Variants in TROAP observed in about 807,000 individuals in gnomAD.
The protein encoded by TROAP is trophinin associated protein.
In TROAP, 62 loss-of-function variants were observed where a neutral mutation model predicts 83.4. The observed-to-expected ratio is 0.74, with a 90% CI of 0.61 to 0.92. TROAP has a LOEUF of 0.92. TROAP is among the 40% of genes least tolerant of loss of function. The pLI, the probability that TROAP is intolerant of heterozygous loss-of-function variation, is 0.00. For synonymous variants in TROAP, 352 were observed against 386.4 expected (o/e 0.91, Z 1.04); for missense variants, 876 against 985.1 (o/e 0.89, Z 1.48).
At position 49,329,542 on chromosome 12, in the gene TROAP, T is replaced by C. The variant is rs756635202; in HGVS notation, c.1164+88T>C. ...AGGAGTTTGAGGCACACGTGCTTTC[T>C]GGGCCAGGCATGGTGGCTCACACCT... On this transcript the variant is annotated intron_variant, in intron 11 of 14. Coordinates refer to ENST00000257909, the MANE Select transcript of TROAP (RefSeq NM_005480.4). The surrounding 1 kb of genome is among the most constrained non-coding windows in gnomAD (Gnocchi z 4.5). 6.9e-7 allele frequency: 1 copy of C among 1,453,594 alleles called. No homozygotes were observed. Among genetic ancestry groups the C allele is most frequent in the Admixed American group, 2.1e-5 (1 of 46,982 alleles). 90.0% of individuals were successfully genotyped at this position (1,453,594 alleles called of 1,614,324 possible).
At chr12:49,326,006 TTGG>T in intron 5 of TROAP, 67 bp from the exon 6 acceptor site, 1 of 1,605,032 alleles carries the variant, frequency 6.2e-7, no homozygotes, top group Non-Finnish European at 8.5e-7. Context: ...GGAGATGGGG[TTGG>T]TGGTGAGGCC....
rs866598772 is a variant in TROAP, at chr12:49,325,361, T to C, written c.338-140T>C. ...ATGAGCCACTGCACCCAGCCATCTATTTCTTAAAAAAAAAAAAAAAAATAA... is the reference window on the plus strand; with the variant it reads ...ATGAGCCACTGCACCCAGCCATCTACTTCTTAAAAAAAAAAAAAAAAATAA... On this transcript the variant is annotated intron_variant, in intron 3 of 14. Transcript: ENST00000257909. The C allele has an allele frequency of 7.5e-5, 67 of 889,568 alleles. 1 individual carries two copies. In the Middle Eastern group the frequency reaches 2.5e-3, roughly 33 times the overall value. 55.1% of individuals were successfully genotyped at this position (889,568 alleles called of 1,614,324 possible).
chr12:49,327,662 T>C (rs539894970), intron 8 of TROAP, among the ~76,000 whole-genome samples: 32 of 152,290 alleles, frequency 2.1e-4, no homozygotes, highest in South Asian at 1.5e-3. Flanking sequence ...GCCTACTGAG[T>C]GCCAGGCTCT....
chr12:49,327,195 C>A lies in TROAP; in HGVS notation c.770-14C>A. The A allele has an allele frequency of 6.2e-7, 1 of 1,613,808 alleles. No homozygotes were observed. The highest frequency in any genetic ancestry group is 8.5e-7 in the Non-Finnish European group (1 of 1,179,814). ...TGTTCTAGAGTCTACAACAAATGTC[C>A]TGTTTCTTCCTAGCTTTCTCTCTTC... On this transcript the variant is annotated splice_polypyrimidine_tract_variant and intron_variant, in intron 7 of 14. Transcript: ENST00000257909.
At position 49,324,297 on chromosome 12, in the gene TROAP, A is replaced by G; in HGVS notation, c.337+260A>G. On this transcript the variant is annotated intron_variant, in intron 3 of 14. Coordinates refer to ENST00000257909, the MANE Select transcript of TROAP (RefSeq NM_005480.4). ...TGAAGCAGGAGGATCACTGGAGGCCAGGAGTTGGAGACCAGCCTGGATGAC... is the reference window on the plus strand; with the variant it reads ...TGAAGCAGGAGGATCACTGGAGGCCGGGAGTTGGAGACCAGCCTGGATGAC... 1.7e-6 allele frequency: 2 copies of G among 1,211,374 alleles called. 1 individual carries two copies. The highest frequency in any genetic ancestry group is 4.2e-4 in the Middle Eastern group (2 of 4,768). The allele number at this position is 1,211,374 out of a possible 1,614,324, so 75.0% of individuals were successfully genotyped here.
Position 49,323,861 on chromosome 12 carries a change from C to T in TROAP, c.161C>T (p.Pro54Leu). 6.2e-7 allele frequency: 1 copy of T among 1,614,026 alleles called. No individual in the cohort carries two copies. Among genetic ancestry groups the T allele is most frequent in the Admixed American group, 1.7e-5 (1 of 60,020 alleles). The change falls in exon 3 of 15, where the codon CCA (proline) becomes CTA (leucine). Residue 54 changes from proline (P) to leucine (L), a missense_variant. Coordinates refer to ENST00000257909, the MANE Select transcript of TROAP (RefSeq NM_005480.4). ...NQDPRRWVQKPPLNIQRPLVD... is the reference protein window; with the variant it reads ...NQDPRRWVQKLPLNIQRPLVD... Reference sequence around the variant, plus strand: ...CTCCCCTAGAGATGGGTGCAGAAACCACCGCTCAATATTCAACGCCCCCTC... The same window carrying T: ...CTCCCCTAGAGATGGGTGCAGAAACTACCGCTCAATATTCAACGCCCCCTC...
chr12:49,331,674 G>A lies in TROAP; in HGVS notation c.*57G>A. The A allele has an allele frequency of 2.5e-6, 4 of 1,610,386 alleles. No individual in the cohort carries two copies. The highest frequency in any genetic ancestry group is 1.1e-5 in the South Asian group (1 of 91,008). ...TTCCTTTTAGCCCTTATTTATTGTC[G>A]GTCTGCCCATGGGACTGGGAGCCGC... On this transcript the variant is annotated 3_prime_UTR_variant, in exon 15 of 15. Transcript: ENST00000257909.
In TROAP at chr12:49,328,795, C is replaced by G. The variant is rs961811846; in HGVS notation, c.892-132C>G. The G allele has an allele frequency of 3.2e-6, 4 of 1,263,206 alleles. No homozygotes were observed. In the South Asian group the frequency reaches 7.3e-5, roughly 23 times the overall value. 78.2% of individuals were successfully genotyped at this position (1,263,206 alleles called of 1,614,324 possible). The stretch of plus-strand genomic sequence containing the variant: ...AGGAGAATGGTGTGAACCCGGGATG[C>G]GGAGCTTGCAGTGAGCCAAGATCGC... On this transcript the variant is annotated intron_variant, in intron 8 of 14. Transcript: ENST00000257909.
intron 6 of TROAP, among the ~76,000 whole-genome samples, chr12:49,326,458 G>T (rs1476966320): frequency 6.6e-6 from 1 of 152,082 alleles, no homozygotes; most frequent in Non-Finnish European, 1.5e-5. Flanking sequence ...GTGGGATTTG[G>T]GTTTATATCC....
chr12:49,330,785 G>A lies in TROAP; in HGVS notation c.1940G>A (p.Cys647Tyr). Reference sequence around the variant, plus strand: ...GTAGAGCTGGGGGCATCAGAGCCCTGCACCCTGGAACATAGAAGTCTAGAG... The same window carrying A: ...GTAGAGCTGGGGGCATCAGAGCCCTACACCCTGGAACATAGAAGTCTAGAG... ...PRVELGASEP[C>Y]TLEHRSLESS... Residue 647 changes from cysteine to tyrosine, a missense_variant, in exon 13 of 15, where the codon TGC becomes TAC. Cys to Tyr is a radical substitution (Grantham distance 194). Transcript: ENST00000257909. The A allele has an allele frequency of 1.2e-6, 2 of 1,614,006 alleles. No homozygotes were observed. The highest frequency in any genetic ancestry group is 1.7e-6 in the Non-Finnish European group (2 of 1,179,986).
At chr12:49,328,205 G>A (rs1400417245) in intron 8 of TROAP, among the ~76,000 whole-genome samples, 2 of 137,932 alleles carry the variant, frequency 1.4e-5, no homozygotes, top group Non-Finnish European at 3.1e-5. Context: ...GACATGATTT[G>A]ACTTAGGTCT....
Position 49,325,384 on chromosome 12 carries a change from T to A in TROAP, c.338-117T>A, listed in dbSNP as rs907426810. Reference sequence around the variant, plus strand: ...TATTTCTTAAAAAAAAAAAAAAAAATAAGCCAAATTCAATTGAATGAGTCT... The same window carrying A: ...TATTTCTTAAAAAAAAAAAAAAAAAAAAGCCAAATTCAATTGAATGAGTCT... On this transcript the variant is annotated intron_variant, in intron 3 of 14. Coordinates refer to ENST00000257909, the MANE Select transcript of TROAP (RefSeq NM_005480.4). 2,473 of 875,080 alleles carry A rather than the reference T, an allele frequency of 2.8e-3. 4 individuals are homozygous for A. The highest frequency in any genetic ancestry group is 3.3e-3 in the Non-Finnish European group (2,052 of 623,424). 54.2% of individuals were successfully genotyped at this position (875,080 alleles called of 1,614,324 possible).
intron 5 of TROAP, 60 bp downstream of exon 5, chr12:49,325,944 C>T: frequency 6.2e-7 from 1 of 1,603,886 alleles, no homozygotes; most frequent in Non-Finnish European, 8.5e-7. Flanking sequence ...AGGGACAAAG[C>T]TGGGCTCTGG....
rs770787242 is a variant in TROAP, at chr12:49,325,599, A to C, written c.436A>C (p.Ser146Arg). ...VKSCHLGRQP[S>R]LAKRVLVRGS... ...GAGCTGTCACCTGGGGCGCCAGCCTAGTCTGGCTAAAAGAGTACTGGTTCG... is the reference window on the plus strand; with the variant it reads ...GAGCTGTCACCTGGGGCGCCAGCCTCGTCTGGCTAAAAGAGTACTGGTTCG... Residue 146 changes from serine (S) to arginine (R), a missense_variant, in exon 4 of 15, where the codon AGT becomes CGT. Around this residue, in one of 3 missense-constraint regions of TROAP, gnomAD observed 689 missense variants for 722.6 expected, o/e 0.95. Transcript: ENST00000257909. 1 of 1,613,964 alleles carries C rather than the reference A, an allele frequency of 6.2e-7. No individual in the cohort carries two copies. Among genetic ancestry groups the C allele is most frequent in the Non-Finnish European group, 8.5e-7 (1 of 1,180,022 alleles).
chr12:49,327,889 G>A (rs1332360504), intron 8 of TROAP, among the ~76,000 whole-genome samples: 1 of 152,144 alleles, frequency 6.6e-6, no homozygotes, highest in African/African-American at 2.4e-5. Context: ...TTACTGAGAA[G>A]ATGATGTTTA....
chr12:49,328,893 G>A (rs199801433), intron 8 of TROAP, 34 bp from the exon 9 acceptor site: 15 of 1,512,514 alleles, frequency 9.9e-6, no homozygotes, highest in South Asian at 9.3e-5. Flanking sequence ...CAAAGGGGGC[G>A]GGGATCACTC....
In TROAP at chr12:49,329,558, G is replaced by A; in HGVS notation, c.1164+104G>A. 2 of 1,334,864 alleles carry A rather than the reference G, an allele frequency of 1.5e-6. No individual in the cohort carries two copies. Among genetic ancestry groups the A allele is most frequent in the Non-Finnish European group, 2.1e-6 (2 of 967,698 alleles). The allele number at this position is 1,334,864 out of a possible 1,614,324, so 82.7% of individuals were successfully genotyped here. A position where few individuals can be genotyped will look rare whatever the true frequency, so the allele number is the denominator to read the frequency against. ...CGTGCTTTCTGGGCCAGGCATGGTG[G>A]CTCACACCTGTAATCCCAGCACTTT... is the stretch of plus-strand genomic sequence containing the variant. On this transcript the variant is annotated intron_variant, in intron 11 of 14. Coordinates refer to ENST00000257909, the MANE Select transcript of TROAP (RefSeq NM_005480.4). This position sits in a 1 kb window ranked among gnomAD's most constrained non-coding sequence, Gnocchi z 4.5.
intron 8 of TROAP, 90 bp downstream of exon 8, chr12:49,327,420 G>C: frequency 1.9e-6 from 3 of 1,550,108 alleles, no homozygotes; most frequent in Non-Finnish European, 1.8e-6. Flanking sequence ...GAGAATTGTA[G>C]GTAGAGCCAG....
chr12:49,327,025 G>T (rs983570394), intron 7 of TROAP, among the ~76,000 whole-genome samples, 184 bp from the exon 8 acceptor site: 1 of 152,162 alleles, frequency 6.6e-6, no homozygotes, highest in African/African-American at 2.4e-5. Flanking sequence ...CTACTCAGAC[G>T]TTCAGATTAA....
Sources: gnomAD v4.1 joint callset for allele counts (sites outside exome capture counted in the v4.1 genomes callset) on GRCh38, gnomAD v4.1.1 for gene constraint, gnomAD v4.1.1 regional missense constraint, Gnocchi (gnomAD v3.1) non-coding constraint, MANE v1.5 for transcripts, NCBI Gene and HGNC (gene_info 2026-07-23, HGNC 2026-07-21) for gene names.